LAMB3: variants seen among roughly 807,000 people sequenced by gnomAD.
LAMB3 encodes the protein laminin subunit beta-3.
In LAMB3, 104 loss-of-function variants were observed where a neutral mutation model predicts 140.3. The ratio of observed to expected loss-of-function variants is 0.74; its 90% confidence interval spans 0.63 to 0.87. The LOEUF (loss-of-function observed/expected upper bound fraction) is 0.87. Ranked by LOEUF, LAMB3 falls within the 40% of genes least tolerant of loss-of-function variation. The probability of loss-of-function intolerance (pLI) is 0.00; values close to 1 mark genes in which losing one functional copy is unlikely to be tolerated. For synonymous variants in LAMB3, 592 were observed against 602.9 expected (o/e 0.98, Z 0.26); for missense variants, 1,531 against 1,575.2 (o/e 0.97, Z 0.47).
intron 3 of LAMB3, among the ~76,000 whole-genome samples, chr1:209,647,088 G>A (rs935041861): frequency 6.6e-6 from 1 of 152,268 alleles, no homozygotes; most frequent in Non-Finnish European, 1.5e-5. Context: ...CAAAGCAGAT[G>A]AGCCCAGAAG....
At position 209,629,942 on chromosome 1, in the gene LAMB3, C is replaced by T. The variant is rs1558157498; in HGVS notation, c.944-17G>A. On this transcript the variant is annotated splice_polypyrimidine_tract_variant and intron_variant, in intron 9 of 22. Coordinates refer to ENST00000356082, the MANE Select transcript of LAMB3 (RefSeq NM_000228.3). ...AGTCGCACCCTGGAAAAAGAGAGTC[C>T]CAGGGCTGACATCTGACCCACACCT... 6.2e-7 allele frequency: 1 copy of T among 1,612,978 alleles called. No homozygotes were observed. The highest frequency in any genetic ancestry group is 2.2e-5 in the East Asian group (1 of 44,882).
chr1:209,651,896 A>T (rs927350962), intron 1 of LAMB3, among the ~76,000 whole-genome samples: 4 of 152,204 alleles, frequency 2.6e-5, no homozygotes, highest in Non-Finnish European at 5.9e-5. Flanking sequence ...GAAATTGAGG[A>T]CATTTCTGGC....
chr1:209,619,867 T>C (rs969708549), intron 18 of LAMB3, among the ~76,000 whole-genome samples: 5 of 152,238 alleles, frequency 3.3e-5, no homozygotes, highest in African/African-American at 1.2e-4. Context: ...GAAGCCATGC[T>C]TGTTCATTGC....
intron 13 of LAMB3, 23 bp from the exon 14 acceptor site, chr1:209,626,049 T>C (rs1259739402): frequency 6.2e-7 from 1 of 1,610,162 alleles, no homozygotes; most frequent in African/African-American, 1.3e-5. Context: ...AAAATGACAG[T>C]CAGAGACAGG....
intron 3 of LAMB3, among the ~76,000 whole-genome samples, chr1:209,646,941 A>G (rs2076523872): frequency 6.6e-6 from 1 of 152,242 alleles, no homozygotes; most frequent in Non-Finnish European, 1.5e-5. Context: ...TGAGGGAATA[A>G]TAGTGCAGTG....
At chr1:209,643,356 T>C (rs976878587) in intron 3 of LAMB3, among the ~76,000 whole-genome samples, 1 of 152,240 alleles carries the variant, frequency 6.6e-6, no homozygotes, top group African/African-American at 2.4e-5. Flanking sequence ...GCTGCCTCCC[T>C]CTCTGGGGTC....
chr1:209,622,508 G>A, intron 18 of LAMB3, 28 bp downstream of exon 18: 1 of 1,612,926 alleles, frequency 6.2e-7, no homozygotes, highest in Non-Finnish European at 8.5e-7. Flanking sequence ...TGGAACAGCA[G>A]CCAAGGTGGG....
chr1:209,627,368 AC>A lies in LAMB3; in HGVS notation c.1485+14del. 1 of 1,604,324 alleles carries A rather than the reference AC, an allele frequency of 6.2e-7. No homozygotes were observed. Among genetic ancestry groups the A allele is most frequent in the Non-Finnish European group, 8.5e-7 (1 of 1,172,676 alleles). On this transcript the variant is annotated intron_variant, in intron 12 of 22. Coordinates refer to ENST00000356082, the MANE Select transcript of LAMB3 (RefSeq NM_000228.3). ...CTCCCACTGAGGGGGCCCCCGGACC[AC>A]CCTCACTTCGTACCTGGTTGCACTG...
chr1:209,624,661 C>T (rs1166904525), intron 14 of LAMB3, among the ~76,000 whole-genome samples: 1 of 152,134 alleles, frequency 6.6e-6, no homozygotes, highest in Non-Finnish European at 1.5e-5. Flanking sequence ...ACTGACTGCC[C>T]GAATCTGAGA....
At chr1:209,645,722 GAAA>G (rs36106096) in intron 3 of LAMB3, among the ~76,000 whole-genome samples, 1 of 137,396 alleles carries the variant, frequency 7.3e-6, no homozygotes. Flanking sequence ...TGTCCCAGGG[GAAA>G]AAAAAAAAAA....
intron 8 of LAMB3, among the ~76,000 whole-genome samples, chr1:209,631,905 C>A (rs757588781): frequency 6.6e-6 from 1 of 152,218 alleles, no homozygotes; most frequent in Non-Finnish European, 1.5e-5. Context: ...TTCCTCCTGT[C>A]CCCCTGTCAC....
rs146826531 is a variant in LAMB3, at chr1:209,629,363, C to T, written c.1132+374G>A. Reference sequence around the variant, plus strand: ...AATTAAATCACAAACCTCATTACAACATGGTAAAGGCAATCATATACATAC... The same window carrying T: ...AATTAAATCACAAACCTCATTACAATATGGTAAAGGCAATCATATACATAC... On this transcript the variant is annotated intron_variant, in intron 10 of 22. Transcript: ENST00000356082. Among the ~76,000 whole-genome samples the T allele has an allele frequency of 3.3e-3, 506 of 152,336 alleles. 3 individuals are homozygous for T. The highest frequency in any genetic ancestry group is 0.014 in the Middle Eastern group (4 of 294).
intron 13 of LAMB3, 59 bp from the exon 14 acceptor site, chr1:209,626,085 A>G: frequency 1.3e-6 from 2 of 1,580,978 alleles, no homozygotes; most frequent in Non-Finnish European, 1.7e-6. Flanking sequence ...AGCAGCTGTC[A>G]GGGAGAGCCC....
intron 18 of LAMB3, among the ~76,000 whole-genome samples, chr1:209,620,928 C>T (rs1471727213): frequency 6.6e-6 from 1 of 152,210 alleles, no homozygotes; most frequent in African/African-American, 2.4e-5. Context: ...GTGGCTTCTG[C>T]ACCAGGACTC....
rs901665561 is a variant in LAMB3 at position 209,650,055 on chromosome 1, C to T, written c.92G>A (p.Gly31Glu). 7 of 1,614,032 alleles carry T rather than the reference C, an allele frequency of 4.3e-6. No individual in the cohort carries two copies. The African/African-American group carries it at 9.3e-5, about 22-fold the overall frequency. The change falls in exon 3 of 23, where the codon GGG (glycine) becomes GAG (glutamate). Residue 31 changes from glycine to glutamate, a missense_variant. By Grantham distance (98) the Gly-to-Glu change is moderately conservative. Coordinates refer to ENST00000356082, the MANE Select transcript of LAMB3 (RefSeq NM_000228.3). Reference protein sequence around the residue: ...CSRGACYPPVGDLLVGRTRFL... With the variant: ...CSRGACYPPVEDLLVGRTRFL... ...CCGGGTCCTCCCAACAAGCAGGTCC[C>T]CAACAGGTGGATAGCAGGCCCCACG...
At chr1:209,624,151 T>C in intron 14 of LAMB3, 151 bp from the exon 15 acceptor site, 1 of 673,378 alleles carries the variant, frequency 1.5e-6, no homozygotes, top group Non-Finnish European at 2.5e-6. Context: ...CTAAGGGGGT[T>C]CCGCTGGACA....
intron 22 of LAMB3, among the ~76,000 whole-genome samples, chr1:209,616,008 T>A (rs1238089486): frequency 6.6e-6 from 1 of 151,998 alleles, no homozygotes; most frequent in African/African-American, 2.4e-5. Context: ...TATCCTAATG[T>A]CCCTCCTCTT....
chr1:209,625,751 G>A lies in LAMB3; in HGVS notation c.1873C>T (p.Leu625=), dbSNP rs563197235. ...TGCTCAATCTTACTCTTTGCATCTA[G>A]GATCCGGGAGGCCAGGCCACGGTCC... is the stretch of plus-strand genomic sequence containing the variant. ...LEDRGLASRI[L]DAKSKIEQIR... is the part of the protein sequence containing the mutation. The change falls in exon 14 of 23, where the codon CTA becomes TTA. Residue 625 remains leucine, a synonymous_variant. Transcript: ENST00000356082. 4.5e-5 allele frequency: 73 copies of A among 1,614,162 alleles called. 1 individual carries two copies. In the South Asian group the frequency reaches 7.6e-4, roughly 17 times the overall value.
At chr1:209,631,609 CT>C in intron 8 of LAMB3, among the ~76,000 whole-genome samples, 1 of 152,328 alleles carries the variant, frequency 6.6e-6, no homozygotes, top group African/African-American at 2.4e-5. Context: ...GCAGTGGCAC[CT>C]TTTAAAAGTG....
Sources: allele counts gnomAD v4.1 joint callset (sites outside exome capture counted in the v4.1 genomes callset), GRCh38; gene constraint gnomAD v4.1.1; transcripts MANE v1.5; gene names NCBI Gene and HGNC (gene_info 2026-07-23, HGNC 2026-07-21).